The following IQCM variants were observed in gnomAD, a reference collection of about 807,000 sequenced individuals.
The protein encoded by IQCM is IQ motif containing M.
A neutral mutation model predicts 57.6 loss-of-function variants in IQCM; 45 were observed. The ratio of observed to expected loss-of-function variants is 0.78; its 90% CI spans 0.62 to 1.00. The LOEUF (loss-of-function observed/expected upper bound fraction) is 1.00. Ranked by LOEUF, IQCM falls within the 50% of genes least tolerant of loss-of-function variation. The pLI is 0.00. For missense variants in IQCM, 468 were observed against 511.6 expected, an observed-to-expected ratio of 0.91 and a Z score of 0.82; for synonymous variants, 148 against 158.9, an observed-to-expected ratio of 0.93 and a Z score of 0.51.
intron 13 of IQCM, among the ~76,000 whole-genome samples, chr4:149,378,521 G>A (rs902728275): frequency 1.3e-5 from 2 of 152,172 alleles, no homozygotes; most frequent in African/African-American, 4.8e-5. Flanking sequence ...TTTTAGCAAA[G>A]TGACTGGTGG....
intron 2 of IQCM, among the ~76,000 whole-genome samples, chr4:149,771,299 C>T (rs1770553853): frequency 1.3e-5 from 2 of 151,932 alleles, no homozygotes; most frequent in East Asian, 3.9e-4. Flanking sequence ...TAACTATCTG[C>T]CCCTGTCAAG....
At chr4:149,521,587 T>C (rs1466318117) in intron 12 of IQCM, among the ~76,000 whole-genome samples, 1 of 152,222 alleles carries the variant, frequency 6.6e-6, no homozygotes, top group Non-Finnish European at 1.5e-5. Flanking sequence ...AGTCTTGAAA[T>C]GAATTGACCC....
At chr4:149,366,602 T>C (rs557255611) in intron 13 of IQCM, among the ~76,000 whole-genome samples, 6 of 151,978 alleles carry the variant, frequency 3.9e-5, no homozygotes, top group Non-Finnish European at 7.4e-5. Context: ...CTTTTAATAC[T>C]ATATTTTTCA....
At chr4:149,737,334 T>C (rs762817972) in intron 3 of IQCM, among the ~76,000 whole-genome samples, 32 of 152,334 alleles carry the variant, frequency 2.1e-4, no homozygotes, top group Admixed American at 5.2e-4. Context: ...ATGTACATTT[T>C]ACATCAAAAG....
At chr4:149,718,058 T>C (rs577626070) in intron 5 of IQCM, among the ~76,000 whole-genome samples, 1 of 152,340 alleles carries the variant, frequency 6.6e-6, no homozygotes, top group East Asian at 1.9e-4. Flanking sequence ...GAGAGGTTCA[T>C]GGCTTTGGTG....
At chr4:149,665,895 C>T (rs1441670583) in intron 7 of IQCM, among the ~76,000 whole-genome samples, 11 of 152,230 alleles carry the variant, frequency 7.2e-5, no homozygotes, top group Admixed American at 6.5e-4. Context: ...CCACGCTGGA[C>T]ACTTCCTGCC....
chr4:149,639,350 C>T (rs971642788), intron 7 of IQCM, among the ~76,000 whole-genome samples: 2 of 150,602 alleles, frequency 1.3e-5, no homozygotes, highest in Admixed American at 6.6e-5. Context: ...TACTTGAGCC[C>T]GGGAGATCGA....
chr4:149,427,514 T>C (rs1217107370), intron 13 of IQCM, among the ~76,000 whole-genome samples: 3 of 151,960 alleles, frequency 2.0e-5, no homozygotes, highest in African/African-American at 4.8e-5. Context: ...GATTTTATCA[T>C]TGAAGTTTAA....
chr4:149,491,438 T>G (rs1435364068), intron 12 of IQCM, among the ~76,000 whole-genome samples: 1 of 152,114 alleles, frequency 6.6e-6, no homozygotes, highest in Non-Finnish European at 1.5e-5. Context: ...CAGCCCCTGG[T>G]AAACCATCAT....
At chr4:149,666,890 G>A (rs1760779744) in intron 7 of IQCM, among the ~76,000 whole-genome samples, 1 of 152,080 alleles carries the variant, frequency 6.6e-6, no homozygotes, top group African/African-American at 2.4e-5. Context: ...CCTCCTCCCT[G>A]GGCAGGGCAT....
At chr4:149,513,045 A>G (rs980218764) in intron 12 of IQCM, among the ~76,000 whole-genome samples, 3 of 152,184 alleles carry the variant, frequency 2.0e-5, no homozygotes, top group African/African-American at 4.8e-5. Context: ...TTGTAGCCCA[A>G]ATTCACTCTA....
At chr4:149,458,381 A>AT (rs1358387582) in intron 12 of IQCM, among the ~76,000 whole-genome samples, 1 of 152,062 alleles carries the variant, frequency 6.6e-6, no homozygotes, top group Non-Finnish European at 1.5e-5. Context: ...CTTAAGATTT[A>AT]TTTTTTAAAA....
intron 2 of IQCM, among the ~76,000 whole-genome samples, chr4:149,812,169 C>T (rs1171549380): frequency 6.6e-6 from 1 of 152,094 alleles, no homozygotes; most frequent in Non-Finnish European, 1.5e-5. Flanking sequence ...GTTTATTACT[C>T]CTTTGGGTGA....
rs1314758487 is a variant in IQCM, at chr4:149,351,902, CT to C, written c.*48del. ...ATCCACCTCCAGTGTTAACTTGTCTCTTTGGGTAGAGAAGTTTAACTATTAC... is the reference window on the plus strand; with the variant it reads ...ATCCACCTCCAGTGTTAACTTGTCTCTTGGGTAGAGAAGTTTAACTATTAC... On this transcript the variant is annotated 3_prime_UTR_variant, in exon 14 of 14. Transcript: ENST00000636793. 13 of 398,168 alleles carry C rather than the reference CT, an allele frequency of 3.3e-5. No homozygotes were observed. Among genetic ancestry groups the C allele is most frequent in the African/African-American group, 2.7e-4 (13 of 48,596 alleles). 24.7% of individuals were successfully genotyped at this position (398,168 alleles called of 1,614,324 possible).
At chr4:149,657,903 T>C (rs996357345) in intron 7 of IQCM, among the ~76,000 whole-genome samples, 15 of 152,128 alleles carry the variant, frequency 9.9e-5, no homozygotes, top group African/African-American at 3.4e-4. Context: ...ACTAACTCCT[T>C]GTCAGATATA....
At chr4:149,614,677 C>T (rs533749360) in intron 8 of IQCM, among the ~76,000 whole-genome samples, 4 of 147,726 alleles carry the variant, frequency 2.7e-5, no homozygotes, top group African/African-American at 9.9e-5. Context: ...AGAAGAATTG[C>T]CTGGGGCCAC....
At chr4:149,654,951 T>C (rs928029577) in intron 7 of IQCM, among the ~76,000 whole-genome samples, 10 of 144,650 alleles carry the variant, frequency 6.9e-5, no homozygotes, top group South Asian at 2.4e-4. Flanking sequence ...ATAAAACGTA[T>C]GTTTAAAATT....
intron 13 of IQCM, among the ~76,000 whole-genome samples, chr4:149,367,260 G>A (rs529629297): frequency 6.6e-6 from 1 of 152,048 alleles, no homozygotes; most frequent in South Asian, 2.1e-4. Context: ...ATTGTTGTGT[G>A]ATTTATTATA....
intron 2 of IQCM, among the ~76,000 whole-genome samples, chr4:149,783,310 A>G (rs945074636): frequency 5.7e-4 from 87 of 152,176 alleles, no homozygotes; most frequent in African/African-American, 1.9e-3. Context: ...TGAATCTTCT[A>G]TGTTGCTTGT....
Sources: allele counts gnomAD v4.1 joint callset (sites outside exome capture counted in the v4.1 genomes callset), GRCh38; gene constraint gnomAD v4.1.1; transcripts MANE v1.5; gene names NCBI Gene and HGNC (gene_info 2026-07-23, HGNC 2026-07-21).